Variants in ANO4 observed in about 807,000 individuals in gnomAD.
The protein encoded by ANO4 is anoctamin-4.
In ANO4, 69 loss-of-function variants were observed where a neutral mutation model predicts 141.9. The observed-to-expected ratio is 0.49, with a 90% confidence interval of 0.40 to 0.59. The LOEUF is 0.59. Ranked by LOEUF, ANO4 falls within the 20% of genes least tolerant of loss-of-function variation. The pLI is 0.00. For synonymous variants in ANO4, 350 were observed against 394.3 expected (o/e 0.89, Z 1.33); for missense variants, 894 against 1,162.2 (o/e 0.77, Z 3.36).
chr12:100,869,983 G>C (rs545921328), intron 1 of ANO4, among the ~76,000 whole-genome samples: 33 of 152,226 alleles, frequency 2.2e-4, no homozygotes, highest in African/African-American at 7.5e-4. Flanking sequence ...TGGCAAAGTG[G>C]TTCTACCTGT....
chr12:100,742,232 T>C (rs904086740), intron 3 of ANO4, among the ~76,000 whole-genome samples: 1 of 152,176 alleles, frequency 6.6e-6, no homozygotes, highest in Non-Finnish European at 1.5e-5. Context: ...TGGTATAGTT[T>C]TTGTAAGTCT....
intron 5 of ANO4, among the ~76,000 whole-genome samples, chr12:100,963,090 T>C (rs927455928): frequency 6.6e-6 from 1 of 152,136 alleles, no homozygotes; most frequent in African/African-American, 2.4e-5. Context: ...ATTTTGCCAG[T>C]GAAGCAGATC....
At chr12:100,721,973 A>G (rs1593225899) in intron 1 of ANO4, among the ~76,000 whole-genome samples, 1 of 151,484 alleles carries the variant, frequency 6.6e-6, no homozygotes, top group South Asian at 2.1e-4. Flanking sequence ...GGTGTGAGCC[A>G]CCACGCCTGG....
intron 2 of ANO4, among the ~76,000 whole-genome samples, chr12:100,917,682 C>T (rs1322176547): frequency 6.6e-6 from 1 of 152,108 alleles, no homozygotes; most frequent in Non-Finnish European, 1.5e-5. Context: ...TAGTGTTAGA[C>T]TTAATGAACG....
chr12:101,057,800 C>T (rs4545615), intron 14 of ANO4, among the ~76,000 whole-genome samples: 41,382 of 151,966 alleles, frequency 0.27, 6,056 homozygotes, highest in African/African-American at 0.37. Context: ...AATTTTCTCC[C>T]ATTCTATAGG....
intron 3 of ANO4, among the ~76,000 whole-genome samples, chr12:100,782,229 T>A (rs2033731755): frequency 6.6e-6 from 1 of 152,220 alleles, no homozygotes; most frequent in Non-Finnish European, 1.5e-5. Context: ...AAGAAACTCA[T>A]GCCTGACTTT....
intron 1 of ANO4, among the ~76,000 whole-genome samples, chr12:100,817,588 G>A (rs573188285): frequency 1.3e-5 from 2 of 151,842 alleles, no homozygotes; most frequent in South Asian, 2.1e-4. Flanking sequence ...TTATAGCCAC[G>A]AGTGACAGAA....
intron 5 of ANO4, among the ~76,000 whole-genome samples, chr12:100,956,322 G>A (rs2043173984): frequency 6.6e-6 from 1 of 152,178 alleles, no homozygotes; most frequent in Admixed American, 6.5e-5. Context: ...AGAGTACTTT[G>A]TTTTTCAGCT....
At chr12:100,827,562 G>C (rs944099847) in intron 1 of ANO4, among the ~76,000 whole-genome samples, 2 of 151,642 alleles carry the variant, frequency 1.3e-5, no homozygotes, top group Non-Finnish European at 2.9e-5. Flanking sequence ...CTGCATAGTA[G>C]GAGCTCAATA....
rs1565862060 is a variant in ANO4 at position 100,764,015 on chromosome 12, TGTA to T, written c.358+23914_358+23916del. ...CCTGTTGGGGTAGAGAATAGCAGGA[TGTA>T]GTACTTGGGTGAGCACTATGTCAAG... On this transcript the variant is annotated intron_variant, in intron 3 of 29. Transcript: ENST00000644049. Among the ~76,000 whole-genome samples the T allele has an allele frequency of 2.0e-5, 3 of 152,166 alleles. No individual in the cohort carries two copies. The South Asian group carries it at 6.2e-4, about 32-fold the overall frequency.
At chr12:100,771,861 C>T (rs936684836) in intron 3 of ANO4, among the ~76,000 whole-genome samples, 1 of 152,160 alleles carries the variant, frequency 6.6e-6, no homozygotes, top group Non-Finnish European at 1.5e-5. Context: ...GACTGCAGCT[C>T]CCTGCAGAGA....
intron 8 of ANO4, among the ~76,000 whole-genome samples, chr12:100,990,264 A>G (rs144871282): frequency 8.1e-4 from 123 of 152,226 alleles, no homozygotes; most frequent in African/African-American, 2.9e-3. Flanking sequence ...TCAAAGGGTT[A>G]TAGGTGTATG....
chr12:100,731,457 T>C (rs1294749682), intron 1 of ANO4, among the ~76,000 whole-genome samples: 1 of 152,168 alleles, frequency 6.6e-6, no homozygotes, highest in African/African-American at 2.4e-5. Flanking sequence ...GTTATCAATA[T>C]CTCCCACTGG....
intron 17 of ANO4, among the ~76,000 whole-genome samples, chr12:101,093,105 A>G (rs927291528): frequency 1.6e-4 from 24 of 152,124 alleles, no homozygotes; most frequent in African/African-American, 4.3e-4. Context: ...ACCAATCTCC[A>G]TTACCACTGG....
chr12:101,042,425 G>T lies in ANO4; in HGVS notation c.1111G>T (p.Val371Phe). The change falls in exon 12 of 28, where the codon GTC (valine) becomes TTC (phenylalanine). Residue 371 changes from valine to phenylalanine, a missense_variant. Around this residue, in one of 2 missense-constraint regions of ANO4, gnomAD observed 637 missense variants for 909.2 expected, o/e 0.70. Transcript: ENST00000392977. ...LFPAAFIGLF[V>F]FLYGVTTLDH... ...CCCAGCTGCCTTCATTGGATTGTTT[G>T]TCTTTTTGTATGGCGTCACCACTCT... 6.2e-7 allele frequency: 1 copy of T among 1,614,142 alleles called. No homozygotes were observed.
chr12:100,910,721 T>C (rs2041063419), intron 2 of ANO4, among the ~76,000 whole-genome samples: 1 of 152,186 alleles, frequency 6.6e-6, no homozygotes, highest in Admixed American at 6.5e-5. Flanking sequence ...CTTTCTGAAA[T>C]CTAAAATACT....
At chr12:100,987,731 C>G (rs116981635) in intron 8 of ANO4, 61 bp downstream of exon 8, 1 of 1,586,674 alleles carries the variant, frequency 6.3e-7, no homozygotes, top group Non-Finnish European at 8.6e-7. Flanking sequence ...TAGAGCCTCA[C>G]CCTGCACGCC....
At chr12:100,780,708 G>A (rs548464137) in intron 3 of ANO4, among the ~76,000 whole-genome samples, 7 of 152,154 alleles carry the variant, frequency 4.6e-5, no homozygotes, top group Admixed American at 3.9e-4. Context: ...ACTGAGGGTC[G>A]GAACACAAGT....
intron 3 of ANO4, among the ~76,000 whole-genome samples, chr12:100,757,752 C>CT (rs2032677441): frequency 6.6e-6 from 1 of 152,212 alleles, no homozygotes; most frequent in Non-Finnish European, 1.5e-5. Context: ...ACAGTACCAA[C>CT]TTTCACACAA....
Sources: gnomAD v4.1 joint callset for allele counts (sites outside exome capture counted in the v4.1 genomes callset) on GRCh38, gnomAD v4.1.1 for gene constraint, gnomAD v4.1.1 regional missense constraint, MANE v1.5 for transcripts, NCBI Gene and HGNC (gene_info 2026-07-23, HGNC 2026-07-21) for gene names.